Variants in SLIT2 observed in about 807,000 individuals in gnomAD.
SLIT2 encodes the protein slit guidance ligand 2.
Under a neutral mutation model 185.7 loss-of-function variants are expected in SLIT2, and 41 were observed. That is an observed-to-expected ratio of 0.22 (90% CI 0.17 to 0.29). The LOEUF (loss-of-function observed/expected upper bound fraction) is 0.29. SLIT2 is among the 10% of genes least tolerant of loss of function. The pLI is 1.00. For synonymous variants in SLIT2, 693 were observed against 680.2 expected (o/e 1.02, Z -0.29); for missense variants, 1,571 against 1,909.0 (o/e 0.82, Z 3.30).
At chr4:20,343,330 A>G (rs1721118139) in intron 4 of SLIT2, among the ~76,000 whole-genome samples, 1 of 151,984 alleles carries the variant, frequency 6.6e-6, no homozygotes, top group Non-Finnish European at 1.5e-5. Flanking sequence ...TATTTTCTTT[A>G]TCCCTGGCTT....
chr4:20,271,924 G>T (rs1237442249), intron 4 of SLIT2, among the ~76,000 whole-genome samples: 1 of 152,022 alleles, frequency 6.6e-6, no homozygotes, highest in Non-Finnish European at 1.5e-5. Flanking sequence ...GAAAAGGAGG[G>T]TATACTGTAT....
At chr4:20,542,828 G>A (rs902307822) in intron 21 of SLIT2, among the ~76,000 whole-genome samples, 4 of 71,390 alleles carry the variant, frequency 5.6e-5, no homozygotes, top group African/African-American at 2.9e-4. Flanking sequence ...GTGTGTGTGT[G>A]TGTGTGTGTG....
chr4:20,264,274 G>A (rs1712796078), intron 3 of SLIT2, among the ~76,000 whole-genome samples: 1 of 151,754 alleles, frequency 6.6e-6, no homozygotes, highest in Non-Finnish European at 1.5e-5. Flanking sequence ...ACCTGAGAAG[G>A]TGGCAAAAGA....
chr4:20,538,951 G>T (rs1316614726), intron 18 of SLIT2, among the ~76,000 whole-genome samples: 2 of 151,850 alleles, frequency 1.3e-5, no homozygotes, highest in Non-Finnish European at 2.9e-5. Flanking sequence ...CCATTTTGGC[G>T]CCCCTGGACC....
chr4:20,395,372 G>A (rs149441834), intron 4 of SLIT2, among the ~76,000 whole-genome samples: 127 of 152,074 alleles, frequency 8.4e-4, no homozygotes, highest in African/African-American at 2.8e-3. Flanking sequence ...CCTGCAGGGG[G>A]CAGAGTTGCT....
chr4:20,530,062 G>A (rs929541789), intron 16 of SLIT2, among the ~76,000 whole-genome samples: 1 of 150,760 alleles, frequency 6.6e-6, no homozygotes, highest in African/African-American at 2.4e-5. Flanking sequence ...GCCTTTCAAA[G>A]AGTTGACAGA....
chr4:20,405,031 CTCT>C (rs1726670880), intron 4 of SLIT2, among the ~76,000 whole-genome samples: 3 of 150,430 alleles, frequency 2.0e-5, no homozygotes, highest in Admixed American at 2.0e-4. Context: ...GGGAGAAAGA[CTCT>C]TCTTGTGCTA....
chr4:20,496,022 A>T (rs566086124), intron 9 of SLIT2, among the ~76,000 whole-genome samples: 36 of 152,242 alleles, frequency 2.4e-4, no homozygotes, highest in Middle Eastern at 3.4e-3. Flanking sequence ...ATTTTACCAT[A>T]AATTGTTGGT....
chr4:20,407,811 T>C (rs1257583900), intron 4 of SLIT2, among the ~76,000 whole-genome samples: 1 of 152,152 alleles, frequency 6.6e-6, no homozygotes, highest in African/African-American at 2.4e-5. Flanking sequence ...TTTGGAAAGT[T>C]CAAGCCCCTA....
intron 4 of SLIT2, among the ~76,000 whole-genome samples, chr4:20,390,969 A>C (rs1456329381): frequency 2.6e-5 from 4 of 151,968 alleles, no homozygotes; most frequent in Admixed American, 2.6e-4. Flanking sequence ...TGAATGCATA[A>C]TCTTACATAA....
intron 34 of SLIT2, chr4:20,616,330 C>G (rs1194511118): frequency 2.0e-5 from 3 of 152,238 alleles, no homozygotes; most frequent in Non-Finnish European, 4.4e-5. Flanking sequence ...GCCCCTGAAA[C>G]CTGGTGGACC....
chr4:20,393,302 GC>G (rs988228129), intron 4 of SLIT2: 1 of 152,054 alleles, frequency 6.6e-6, no homozygotes, highest in African/African-American at 2.4e-5. Flanking sequence ...CTATGAAGCA[GC>G]AAATAGAAGC....
intron 4 of SLIT2, among the ~76,000 whole-genome samples, chr4:20,463,115 TC>T (rs1293341380): frequency 6.6e-6 from 1 of 152,048 alleles, no homozygotes. Flanking sequence ...TGACCCAAGG[TC>T]CCATGACTAA....
At chr4:20,461,878 G>T (rs1207574873) in intron 4 of SLIT2, among the ~76,000 whole-genome samples, 3 of 152,184 alleles carry the variant, frequency 2.0e-5, no homozygotes, top group Non-Finnish European at 4.4e-5. Flanking sequence ...GGAATCATAA[G>T]TCAAAGCAGG....
intron 4 of SLIT2, among the ~76,000 whole-genome samples, chr4:20,432,224 C>A (rs992304397): frequency 6.6e-6 from 1 of 152,064 alleles, no homozygotes; most frequent in Non-Finnish European, 1.5e-5. Flanking sequence ...AACCACTGGA[C>A]CTTTCTCTCT....
chr4:20,472,262 A>C (rs527569410), intron 5 of SLIT2, among the ~76,000 whole-genome samples: 10 of 58,988 alleles, frequency 1.7e-4, no homozygotes, highest in African/African-American at 8.1e-4. Context: ...ATAGATCTAT[A>C]TATAGATATA....
At chr4:20,587,330 A>C (rs1260707609) in intron 29 of SLIT2, among the ~76,000 whole-genome samples, 1 of 152,118 alleles carries the variant, frequency 6.6e-6, no homozygotes, top group African/African-American at 2.4e-5. Context: ...AAATCAAATC[A>C]TTTTTGACGT....
At chr4:20,372,802 T>C (rs116456563) in intron 4 of SLIT2, among the ~76,000 whole-genome samples, 2,254 of 152,166 alleles carry the variant, frequency 0.015, 54 homozygotes, top group African/African-American at 0.05. Flanking sequence ...TGGTATTATA[T>C]TTGTCTCTAG....
intron 30 of SLIT2, among the ~76,000 whole-genome samples, chr4:20,591,816 A>G (rs1023963943): frequency 1.3e-5 from 2 of 152,134 alleles, no homozygotes; most frequent in African/African-American, 2.4e-5. Flanking sequence ...TATTGTAAGT[A>G]TAAGATAAAG....
Sources: allele counts gnomAD v4.1 joint callset (sites outside exome capture counted in the v4.1 genomes callset), GRCh38; gene constraint gnomAD v4.1.1; transcripts MANE v1.5; gene names NCBI Gene and HGNC (gene_info 2026-07-23, HGNC 2026-07-21).